Variants in NFIB observed in about 807,000 individuals in gnomAD.
NFIB encodes nuclear factor 1 B-type.
In NFIB, 11 loss-of-function variants were observed where a neutral mutation model predicts 61.5. The ratio of observed to expected loss-of-function variants is 0.18; its 90% confidence interval spans 0.11 to 0.30. The LOEUF is 0.30. NFIB is among the 10% of genes least tolerant of loss of function. The pLI is 1.00. For missense variants in NFIB, 471 were observed against 608.9 expected, an observed-to-expected ratio of 0.77 and a Z score of 2.38; for synonymous variants, 260 against 216.5, an observed-to-expected ratio of 1.20 and a Z score of -1.76.
chr9:14,311,654 T>G (rs1040066238), intron 1 of NFIB, among the ~76,000 whole-genome samples: 1 of 152,182 alleles, frequency 6.6e-6, no homozygotes, highest in Non-Finnish European at 1.5e-5. Context: ...TATCTTTAAC[T>G]TACACAAATT....
At chr9:14,354,982 A>C (rs1272045068) in intron 1 of NFIB, among the ~76,000 whole-genome samples, 3 of 152,092 alleles carry the variant, frequency 2.0e-5, no homozygotes, top group Admixed American at 2.0e-4. Context: ...GAGGAAGAAC[A>C]GCAGCACAAA....
Position 14,113,557 on chromosome 9 carries a change from G to A in NFIB, c.1385-476C>T, listed in dbSNP as rs181526996. Among the ~76,000 whole-genome samples, 85 of 152,296 alleles carry A rather than the reference G, an allele frequency of 5.6e-4. 1 individual carries two copies. The highest frequency in any genetic ancestry group is 1.6e-3 in the Admixed American group (25 of 15,298). On this transcript the variant is annotated intron_variant, in intron 9 of 10. Transcript: ENST00000380953. The stretch of plus-strand genomic sequence containing the variant: ...CAGATGTTCTTAATGATATGGGATG[G>A]AAAATGTCTTTCTTAAAAGTTTTGC...
chr9:14,455,883 G>A, the NFIB span, among the ~76,000 whole-genome samples: 16 of 152,154 alleles, frequency 1.1e-4, no homozygotes, highest in Non-Finnish European at 1.6e-4. Context: ...TAATTAATAT[G>A]ACATTTTGAA....
chr9:14,352,290 A>G (rs1191414616), intron 1 of NFIB, among the ~76,000 whole-genome samples: 1 of 152,014 alleles, frequency 6.6e-6, no homozygotes, highest in East Asian at 1.9e-4. Flanking sequence ...ATTTGTATAT[A>G]TAATAGATGT....
At chr9:14,186,385 T>A (rs1052506335) in intron 2 of NFIB, among the ~76,000 whole-genome samples, 2 of 152,156 alleles carry the variant, frequency 1.3e-5, no homozygotes, top group African/African-American at 2.4e-5. Flanking sequence ...AGATTTTTTT[T>A]AAGGCTCAGA....
chr9:14,468,007 A>C, the NFIB span, among the ~76,000 whole-genome samples: 2 of 152,232 alleles, frequency 1.3e-5, no homozygotes, highest in African/African-American at 4.8e-5. Context: ...ACTTTACTCA[A>C]GGAAGAGTAA....
intron 3 of NFIB, 55 bp from the exon 4 acceptor site, chr9:14,155,948 T>A: frequency 2.8e-6 from 3 of 1,090,622 alleles, no homozygotes; most frequent in South Asian, 3.1e-5. Flanking sequence ...GTAAAATAAA[T>A]GATTATACAC....
the NFIB span, among the ~76,000 whole-genome samples, chr9:14,414,001 T>C: frequency 5.9e-4 from 90 of 152,314 alleles, no homozygotes; most frequent in African/African-American, 2.1e-3. Flanking sequence ...CTTTATAGAT[T>C]TACCGAAGCA....
At chr9:14,493,360 A>T in the NFIB span, among the ~76,000 whole-genome samples, 11 of 152,090 alleles carry the variant, frequency 7.2e-5, no homozygotes, top group African/African-American at 2.7e-4. Flanking sequence ...ATTGAGGCAG[A>T]AGCATTTTTT....
At chr9:14,401,635 A>C (rs1488279628), upstream of NFIB, among the ~76,000 whole-genome samples, 7 of 152,220 alleles carry the variant, frequency 4.6e-5, no homozygotes, top group African/African-American at 1.7e-4. Context: ...CCGTGGATCT[A>C]AACAGAGCCT....
chr9:14,202,493 C>T (rs1317071896), intron 2 of NFIB, among the ~76,000 whole-genome samples: 1 of 152,014 alleles, frequency 6.6e-6, no homozygotes, highest in African/African-American at 2.4e-5. Context: ...ATTGATGGAG[C>T]CACACTACAT....
intron 2 of NFIB, among the ~76,000 whole-genome samples, chr9:14,240,451 T>A (rs530535454): frequency 6.6e-6 from 1 of 152,214 alleles, no homozygotes; most frequent in South Asian, 2.1e-4. Flanking sequence ...ATAAATGGTG[T>A]GAAAAAAGAT....
At chr9:14,146,052 T>G (rs375877328) in intron 6 of NFIB, among the ~76,000 whole-genome samples, 13 of 152,244 alleles carry the variant, frequency 8.5e-5, no homozygotes, top group African/African-American at 3.1e-4. Context: ...ATATATCTAA[T>G]GAAATATAGT....
At chr9:14,250,546 A>G (rs536631135) in intron 2 of NFIB, among the ~76,000 whole-genome samples, 2 of 152,292 alleles carry the variant, frequency 1.3e-5, no homozygotes, top group Admixed American at 6.5e-5. Context: ...TACTACCTCA[A>G]TTTGATTTTG....
chr9:14,353,810 G>C (rs911255668), intron 1 of NFIB, among the ~76,000 whole-genome samples: 1 of 151,086 alleles, frequency 6.6e-6, no homozygotes, highest in African/African-American at 2.4e-5. Context: ...GTCCGTTCTA[G>C]AGTCCAAATA....
intron 3 of NFIB, among the ~76,000 whole-genome samples, chr9:14,173,751 T>C (rs2131378410): frequency 6.6e-6 from 1 of 152,338 alleles, no homozygotes; most frequent in African/African-American, 2.4e-5. Flanking sequence ...GTTAGGCAAT[T>C]AATATAATTT....
chr9:14,460,339 AG>A, the NFIB span, among the ~76,000 whole-genome samples: 1 of 148,272 alleles, frequency 6.7e-6, no homozygotes, highest in East Asian at 2.0e-4. Flanking sequence ...GGACACAGGA[AG>A]GGGAACATCA....
chr9:14,464,843 C>T, the NFIB span, among the ~76,000 whole-genome samples: 6 of 152,086 alleles, frequency 3.9e-5, no homozygotes, highest in African/African-American at 1.4e-4. Context: ...CTTTTTGTCT[C>T]CAATCCCTCC....
chr9:14,490,576 G>C, the NFIB span, among the ~76,000 whole-genome samples: 1 of 151,956 alleles, frequency 6.6e-6, no homozygotes. Context: ...TTAGTATTCA[G>C]ACTACATAAA....
Sources: gnomAD v4.1 joint callset for allele counts (sites outside exome capture counted in the v4.1 genomes callset) on GRCh38, gnomAD v4.1.1 for gene constraint, MANE v1.5 for transcripts, NCBI Gene and HGNC (gene_info 2026-07-23, HGNC 2026-07-21) for gene names.